PPP2R2C: variants seen among roughly 807,000 people sequenced by gnomAD.
PPP2R2C encodes protein phosphatase 2 regulatory subunit Bgamma, also known as protein phosphatase 2, regulatory subunit B, gamma.
In PPP2R2C, 10 loss-of-function variants were observed where a neutral mutation model predicts 45.3. The ratio of observed to expected loss-of-function variants is 0.22; its 90% CI spans 0.14 to 0.37. PPP2R2C has a LOEUF of 0.37. Ranked by LOEUF, PPP2R2C falls within the 10% of genes least tolerant of loss-of-function variation. The pLI is 1.00. For synonymous variants in PPP2R2C, 257 were observed against 245.4 expected (o/e 1.05, Z -0.44); for missense variants, 308 against 619.7 (o/e 0.50, Z 5.34).
chr4:6,562,088 C>T (rs1296461886), intron 1 of PPP2R2C, among the ~76,000 whole-genome samples: 2 of 152,194 alleles, frequency 1.3e-5, no homozygotes, highest in Non-Finnish European at 2.9e-5. Flanking sequence ...CACTCCACAG[C>T]AGGGAGGTAG....
rs571596154 is a variant in PPP2R2C at position 6,378,070 on chromosome 4, G to A, written c.334+337C>T. Among the ~76,000 whole-genome samples the A allele has an allele frequency of 3.4e-4, 52 of 152,210 alleles. No individual in the cohort carries two copies. Among genetic ancestry groups the A allele is most frequent in the Middle Eastern group, 3.4e-3 (1 of 294 alleles). On this transcript the variant is annotated intron_variant, in intron 3 of 8. Coordinates refer to ENST00000382599, the MANE Select transcript of PPP2R2C (RefSeq NM_020416.4). The surrounding 1 kb of genome is among the most constrained non-coding windows in gnomAD (Gnocchi z 5.2). ...GTCCATCACACTCCCTCACCCCAAA[G>A]CAAAGGCCTACAAAGATGGCTCGGA...
At chr4:6,389,384 GC>G (rs1294224178) in intron 1 of PPP2R2C, among the ~76,000 whole-genome samples, 1 of 152,228 alleles carries the variant, frequency 6.6e-6, no homozygotes, top group Non-Finnish European at 1.5e-5. Context: ...CAGAGAGGGG[GC>G]CTTAGGCAAG....
chr4:6,397,194 G>A (rs775519007), intron 1 of PPP2R2C, among the ~76,000 whole-genome samples: 64 of 152,276 alleles, frequency 4.2e-4, no homozygotes, highest in Non-Finnish European at 8.8e-4. Flanking sequence ...GTCCCAGTCG[G>A]CAGGACCCTC....
rs190060835 is a variant in PPP2R2C, at chr4:6,333,463, C to T, written c.960+99G>A. On this transcript the variant is annotated intron_variant, in intron 7 of 8. Coordinates refer to ENST00000382599, the MANE Select transcript of PPP2R2C (RefSeq NM_020416.4). ...TCCGTGTCTTCACCTACATACCGGGCATATGAAAGCCACGCCTGGCTAGGA... is the reference window on the plus strand; with the variant it reads ...TCCGTGTCTTCACCTACATACCGGGTATATGAAAGCCACGCCTGGCTAGGA... 2.1e-3 allele frequency: 2,817 copies of T among 1,361,762 alleles called. 122 individuals carry two copies. In the Admixed American group the frequency reaches 0.057, roughly 28 times the overall value. 84.4% of individuals were successfully genotyped at this position (1,361,762 alleles called of 1,614,324 possible).
At chr4:6,393,591 C>T (rs1441985495) in intron 1 of PPP2R2C, among the ~76,000 whole-genome samples, 2 of 152,216 alleles carry the variant, frequency 1.3e-5, no homozygotes, top group African/African-American at 4.8e-5. Context: ...GTGTCTGCAC[C>T]CAGCTCTGCT....
chr4:6,421,020 G>A lies in PPP2R2C; in HGVS notation c.71-39926C>T, dbSNP rs939210063. ...CCTCGATGTGCCTGAGGAGGGCTTCGTGGAGGAAGCGGTGCTTTGTGTGCA... is the reference window on the plus strand; with the variant it reads ...CCTCGATGTGCCTGAGGAGGGCTTCATGGAGGAAGCGGTGCTTTGTGTGCA... On this transcript the variant is annotated intron_variant, in intron 1 of 8. Transcript: ENST00000382599. 28 of 985,220 alleles carry A rather than the reference G, an allele frequency of 2.8e-5. 1 individual carries two copies. The highest frequency in any genetic ancestry group is 5.2e-4 in the Middle Eastern group (1 of 1,914). The allele number at this position is 985,220 out of a possible 1,614,324, so 61.0% of individuals were successfully genotyped here. A position where few individuals can be genotyped will look rare whatever the true frequency, so the allele number is the denominator to read the frequency against.
chr4:6,423,962 C>T (rs1019321611), intron 1 of PPP2R2C, among the ~76,000 whole-genome samples: 8 of 151,990 alleles, frequency 5.3e-5, no homozygotes, highest in East Asian at 1.9e-4. Context: ...AGACTGATTT[C>T]GTCCATTCAC....
At chr4:6,417,711 G>C (rs1718686844) in intron 1 of PPP2R2C, among the ~76,000 whole-genome samples, 1 of 152,226 alleles carries the variant, frequency 6.6e-6, no homozygotes, top group Non-Finnish European at 1.5e-5. Context: ...CCTCCAGTGA[G>C]GGCAGGCAGG....
At position 6,364,814 on chromosome 4, in the gene PPP2R2C, G is replaced by A. The variant is rs1714136810; in HGVS notation, c.625+7709C>T. ...CAGTCAGGTCACCATCATGATCAGA[G>A]TGAGACAGTGGCCTAAACACATGCT... On this transcript the variant is annotated intron_variant, in intron 5 of 8. Coordinates refer to ENST00000382599, the MANE Select transcript of PPP2R2C (RefSeq NM_020416.4). This position sits in a 1 kb window ranked among gnomAD's most constrained non-coding sequence, Gnocchi z 5.3. Among the ~76,000 whole-genome samples, 1 of 152,170 alleles carries A rather than the reference G, an allele frequency of 6.6e-6. No individual in the cohort carries two copies. The highest frequency in any genetic ancestry group is 1.5e-5 in the Non-Finnish European group (1 of 68,032).
chr4:6,437,631 A>G (rs1419956360), intron 1 of PPP2R2C, among the ~76,000 whole-genome samples: 2 of 152,250 alleles, frequency 1.3e-5, no homozygotes. Context: ...ACTAGAATGT[A>G]CTTTTAAAGA....
rs1731543786 is a variant in PPP2R2C, at chr4:6,321,408, G to A, written c.*1894C>T. 6.6e-6 allele frequency: 1 copy of A among 152,468 alleles called. No homozygotes were observed. The highest frequency in any genetic ancestry group is 1.9e-4 in the East Asian group (1 of 5,198). The allele number at this position is 152,468 out of a possible 1,614,324, so 9.4% of individuals were successfully genotyped here. A position where few individuals can be genotyped will look rare whatever the true frequency, so the allele number is the denominator to read the frequency against. ...ATCCTTTGATTGTTAAATTTAATTA[G>A]AATAGATATGTACATATAATACTGT... On this transcript the variant is annotated 3_prime_UTR_variant, in exon 9 of 9. Coordinates refer to ENST00000382599, the MANE Select transcript of PPP2R2C (RefSeq NM_020416.4).
chr4:6,356,447 T>A (rs1560475024), intron 5 of PPP2R2C, among the ~76,000 whole-genome samples: 3 of 151,958 alleles, frequency 2.0e-5, no homozygotes, highest in Admixed American at 2.0e-4. Flanking sequence ...GGCTCCAGAG[T>A]CTTCCATACG....
At chr4:6,511,045 C>G (rs940551386) in intron 2 of PPP2R2C, among the ~76,000 whole-genome samples, 1 of 148,892 alleles carries the variant, frequency 6.7e-6, no homozygotes, top group African/African-American at 2.5e-5. Flanking sequence ...ATAAGAGGAA[C>G]TTTATTTGAT....
chr4:6,510,161 T>C (rs1244711454), intron 2 of PPP2R2C, among the ~76,000 whole-genome samples: 1 of 152,128 alleles, frequency 6.6e-6, no homozygotes, highest in Non-Finnish European at 1.5e-5. Flanking sequence ...ACCCACCTGC[T>C]TCAAATCCCT....
rs201596450 is a variant in PPP2R2C at position 6,419,434 on chromosome 4, GAAAGA to G, written c.71-38345_71-38341del. 2.6e-3 allele frequency among the ~76,000 whole-genome samples: 362 copies of G among 141,216 alleles called. 1 individual carries two copies. The highest frequency in any genetic ancestry group is 7.3e-3 in the African/African-American group (291 of 39,948). The allele number at this position is 141,216 out of a possible 152,430, so 92.6% of individuals were successfully genotyped here. The stretch of plus-strand genomic sequence containing the variant: ...CAGAGTGAGACTCTGTCTAAAAAAA[GAAAGA>G]AAAGAAAAGAAAAGAAGAGAAAAGA... On this transcript the variant is annotated intron_variant, in intron 1 of 8. Transcript: ENST00000382599.
chr4:6,450,025 C>T (rs1444092976), intron 1 of PPP2R2C, among the ~76,000 whole-genome samples: 1 of 152,224 alleles, frequency 6.6e-6, no homozygotes, highest in East Asian at 1.9e-4. Flanking sequence ...CATCGAGTTG[C>T]CTGTCCTAGA....
At chr4:6,371,778 T>C (rs1463118447) in intron 5 of PPP2R2C, among the ~76,000 whole-genome samples, 2 of 152,176 alleles carry the variant, frequency 1.3e-5, no homozygotes, top group Admixed American at 6.5e-5. Flanking sequence ...TGAATGCTTG[T>C]TGATGTTAGT....
intron 1 of PPP2R2C, among the ~76,000 whole-genome samples, chr4:6,541,196 A>C (rs1296206922): frequency 6.6e-6 from 1 of 152,194 alleles, no homozygotes; most frequent in Non-Finnish European, 1.5e-5. Flanking sequence ...GCTGAATTAC[A>C]GACCTGGGAA....
chr4:6,503,804 A>AC (rs1723134042), intron 2 of PPP2R2C, among the ~76,000 whole-genome samples: 1 of 151,934 alleles, frequency 6.6e-6, no homozygotes, highest in Non-Finnish European at 1.5e-5. Flanking sequence ...TTAAAAAAAA[A>AC]AAAACAAAAA....
Sources: gnomAD v4.1 joint callset for allele counts (sites outside exome capture counted in the v4.1 genomes callset) on GRCh38, gnomAD v4.1.1 for gene constraint, Gnocchi (gnomAD v3.1) non-coding constraint, MANE v1.5 for transcripts, NCBI Gene and HGNC (gene_info 2026-07-23, HGNC 2026-07-21) for gene names.